NR1I3: variants seen among roughly 807,000 people sequenced by gnomAD.
The protein encoded by NR1I3 is constitutive activator of retinoid response.
NR1I3 carries 30 observed loss-of-function variants against 38.4 expected under a neutral mutation model. The observed-to-expected ratio is 0.78, with a 90% confidence interval of 0.58 to 1.06. The LOEUF is 1.06. Among genes scored for constraint, NR1I3 ranks in the 50% least tolerant of loss-of-function variants. The pLI is 0.00. For missense variants in NR1I3, 388 were observed against 435.7 expected (o/e 0.89, Z 0.97); for synonymous variants, 143 against 165.1 (o/e 0.87, Z 1.03).
rs1668948770 is a variant in NR1I3, at chr1:161,238,100, C to T, written c.-93G>A. On this transcript the variant is annotated 5_prime_UTR_variant, in exon 1 of 9. Transcript: ENST00000367983. ...ACAGAATCTGGTATGGAATGCCTCT[C>T]CCCAAACTCCCACGCTGTTGCTGGT... is the stretch of plus-strand genomic sequence containing the variant. The T allele has an allele frequency of 1.9e-6, 3 of 1,612,782 alleles. No individual in the cohort carries two copies. The highest frequency in any genetic ancestry group is 1.3e-5 in the African/African-American group (1 of 74,918).
intron 3 of NR1I3, among the ~76,000 whole-genome samples, chr1:161,234,632 C>T (rs1356625915): frequency 1.3e-5 from 2 of 152,116 alleles, no homozygotes; most frequent in African/African-American, 4.8e-5. Flanking sequence ...GTCTTGAATT[C>T]CTGACCTCAA....
chr1:161,235,765 C>A, intron 3 of NR1I3, 82 bp downstream of exon 3: 2 of 1,571,858 alleles, frequency 1.3e-6, no homozygotes, highest in Middle Eastern at 2.1e-4. Context: ...ACTGTGCCTG[C>A]TATGTAGAGA....
Position 161,230,895 on chromosome 1 carries a change from C to G in NR1I3, c.835G>C (p.Asp279His). 6.2e-7 allele frequency: 1 copy of G among 1,614,144 alleles called. No individual in the cohort carries two copies. Residue 279 changes from aspartate (D) to histidine (H), a missense_variant, in exon 8 of 9, where the codon GAT becomes CAT. Asp to His is a moderately conservative substitution (Grantham distance 81). Transcript: ENST00000367983. ...TCCTCTTGCAGCTGATCAATCTCAT[C>G]TCTCTGGGTAACTCCAGGTCGGTCT... ...SPDRPGVTQRDEIDQLQEEMA... is the reference protein window; with the variant it reads ...SPDRPGVTQRHEIDQLQEEMA...
In NR1I3 at chr1:161,231,110, T is replaced by A; in HGVS notation, c.811+7A>T. ...GCAAAAGGCTCTGGGCTTTGGGAGG[T>A]GCTCACCAGGAGAGAAGAGGGCCAT... On this transcript the variant is annotated splice_region_variant and intron_variant, in intron 7 of 8. Transcript: ENST00000367983. 1.2e-6 allele frequency: 2 copies of A among 1,613,812 alleles called. No individual in the cohort carries two copies. Among genetic ancestry groups the A allele is most frequent in the Non-Finnish European group, 1.7e-6 (2 of 1,179,952 alleles).
intron 3 of NR1I3, among the ~76,000 whole-genome samples, chr1:161,234,599 A>G: frequency 6.6e-6 from 1 of 151,916 alleles, no homozygotes; most frequent in East Asian, 1.9e-4. Flanking sequence ...TAGAGAGGAC[A>G]TCTCACTCTG....
chr1:161,233,400 G>T, intron 3 of NR1I3, 62 bp from the exon 4 acceptor site: 1 of 1,570,932 alleles, frequency 6.4e-7, no homozygotes, highest in Non-Finnish European at 8.7e-7. Context: ...CTCTCTGCTG[G>T]TCCCTGATCT....
chr1:161,231,304 C>G, intron 6 of NR1I3, 25 bp downstream of exon 6: 1 of 1,606,846 alleles, frequency 6.2e-7, no homozygotes. Context: ...GACACATGCC[C>G]CCTATTGCTC....
intron 1 of NR1I3, among the ~76,000 whole-genome samples, chr1:161,237,788 A>G (rs1260391185): frequency 6.6e-6 from 1 of 152,116 alleles, no homozygotes; most frequent in Non-Finnish European, 1.5e-5. Context: ...CAAGTGATCA[A>G]TCCTCCCACC....
At chr1:161,234,699 C>T (rs954969096) in intron 3 of NR1I3, among the ~76,000 whole-genome samples, 2 of 152,188 alleles carry the variant, frequency 1.3e-5, no homozygotes, top group African/African-American at 4.8e-5. Flanking sequence ...AGCCACCGTG[C>T]TCGGCCTGCA....
At chr1:161,231,905 T>C (rs1227319360) in intron 5 of NR1I3, among the ~76,000 whole-genome samples, 1 of 152,176 alleles carries the variant, frequency 6.6e-6, no homozygotes, top group Non-Finnish European at 1.5e-5. Flanking sequence ...CAAGCAGTCC[T>C]CCTGCCTTGG....
At position 161,229,756 on chromosome 1, in the gene NR1I3, A is replaced by G; in HGVS notation, c.*41T>C. 3 of 1,614,188 alleles carry G rather than the reference A, an allele frequency of 1.9e-6. No individual in the cohort carries two copies. The highest frequency in any genetic ancestry group is 2.5e-6 in the Non-Finnish European group (3 of 1,180,044). On this transcript the variant is annotated 3_prime_UTR_variant, in exon 9 of 9. Transcript: ENST00000367983. ...AGCATTTTCCCACTCCAGTGTATCC[A>G]GGGTGTTCCAGGTGAGCTGGGGAAG...
Position 161,231,395 on chromosome 1 carries a change from A to G in NR1I3, c.628T>C (p.Phe210Leu), listed in dbSNP as rs746125471. 20 of 1,565,318 alleles carry G rather than the reference A, an allele frequency of 1.3e-5. No individual in the cohort carries two copies. The highest frequency in any genetic ancestry group is 1.6e-5 in the Non-Finnish European group (18 of 1,159,960). Residue 210 changes from phenylalanine to leucine, a missense_variant, in exon 6 of 9, where the codon TTC becomes CTC. Phe to Leu is a conservative substitution (Grantham distance 22, BLOSUM62 0). Coordinates refer to ENST00000367983, the MANE Select transcript of NR1I3 (RefSeq NM_005122.5). ...AGGAAGTTTTGTGTTTGGAGACAGA[A>G]AGTGGTATTGAGTACGATGTGACAG... ...EICHIVLNTTFCLQTQNFLCG... is the reference protein window; with the variant it reads ...EICHIVLNTTLCLQTQNFLCG...
At chr1:161,235,739 T>G (rs2102189151) in intron 3 of NR1I3, 108 bp downstream of exon 3, 1 of 1,408,172 alleles carries the variant, frequency 7.1e-7, no homozygotes, top group African/African-American at 1.4e-5. Context: ...ATAATCCAAC[T>G]AGTTTCAAAA....
Position 161,238,030 on chromosome 1 carries a change from A to C in NR1I3, c.-34+11T>G. The C allele has an allele frequency of 6.2e-7, 1 of 1,612,290 alleles. No homozygotes were observed. Among genetic ancestry groups the C allele is most frequent in the Non-Finnish European group, 8.5e-7 (1 of 1,178,370 alleles). ...TTACATTTAGTCTTTGGTCCCCAAC[A>C]GATTTCCTACCTGCTTCTCTTAGGC... On this transcript the variant is annotated intron_variant, in intron 1 of 8. Transcript: ENST00000367983.
At chr1:161,237,958 A>G in intron 1 of NR1I3, 83 bp downstream of exon 1, 2 of 1,370,366 alleles carry the variant, frequency 1.5e-6, no homozygotes, top group Non-Finnish European at 2.1e-6. Context: ...TGCTGGAATG[A>G]CACACGTGAG....
In NR1I3 at chr1:161,232,890, C is replaced by T. The variant is rs1485824077; in HGVS notation, c.465G>A (p.Leu155=). Residue 155 remains leucine, a synonymous_variant, in exon 5 of 9, where the codon CTG becomes CTA. Coordinates refer to ENST00000367983, the MANE Select transcript of NR1I3 (RefSeq NM_005122.5). ...TGTCTGCGAAGTGTGTGACCAGAGG[C>T]AGCACAGGGGCCAGGGTGGGCAAGG... is the stretch of plus-strand genomic sequence containing the variant. The part of the protein sequence containing the change: ...HQPLPTLAPV[L]PLVTHFADIN... 1 of 1,614,072 alleles carries T rather than the reference C, an allele frequency of 6.2e-7. No individual in the cohort carries two copies. The highest frequency in any genetic ancestry group is 8.5e-7 in the Non-Finnish European group (1 of 1,180,030).
intron 3 of NR1I3, among the ~76,000 whole-genome samples, chr1:161,234,159 A>ATT (rs57947332): frequency 8.6e-5 from 12 of 139,240 alleles, no homozygotes; most frequent in Non-Finnish European, 1.3e-4. Flanking sequence ...CGCCCTGCTA[A>ATT]TTTTTTTTTT....
intron 3 of NR1I3, among the ~76,000 whole-genome samples, chr1:161,234,033 C>T (rs932354114): frequency 9.2e-5 from 14 of 151,700 alleles, no homozygotes; most frequent in African/African-American, 3.1e-4. Context: ...ACTCTGTCGC[C>T]CAGGCTGGAG....
chr1:161,237,654 G>T (rs1342236039), intron 1 of NR1I3, among the ~76,000 whole-genome samples: 2 of 151,776 alleles, frequency 1.3e-5, no homozygotes, highest in Non-Finnish European at 2.9e-5. Context: ...GGAGGCAGAG[G>T]TTGCAGCGAG....
Sources: gnomAD v4.1 joint callset for allele counts (sites outside exome capture counted in the v4.1 genomes callset) on GRCh38, gnomAD v4.1.1 for gene constraint, MANE v1.5 for transcripts, NCBI Gene and HGNC (gene_info 2026-07-23, HGNC 2026-07-21) for gene names.